Variants in RASSF3 observed in about 807,000 individuals in gnomAD.
RASSF3 encodes Ras association domain family member 3.
RASSF3 carries 19 observed loss-of-function variants against 19.9 expected under a neutral mutation model. The observed-to-expected ratio is 0.96, with a 90% CI of 0.67 to 1.40. The LOEUF is 1.40. Among genes scored for constraint, RASSF3 ranks in the 40% most tolerant of loss-of-function variants. The probability of loss-of-function intolerance (pLI) is 0.00; values close to 1 mark genes in which losing one functional copy is unlikely to be tolerated. For missense variants in RASSF3, 306 were observed against 289.8 expected (o/e 1.06, Z -0.41); for synonymous variants, 110 against 104.2 (o/e 1.06, Z -0.34).
intron 1 of RASSF3, among the ~76,000 whole-genome samples, chr12:64,634,193 T>C (rs1036885846): frequency 1.3e-5 from 2 of 152,104 alleles, no homozygotes; most frequent in African/African-American, 4.8e-5. Flanking sequence ...TTGGCTGTTG[T>C]TTCTGCTGTT....
chr12:64,621,396 A>T (rs1870757263), intron 1 of RASSF3, among the ~76,000 whole-genome samples: 1 of 152,168 alleles, frequency 6.6e-6, no homozygotes, highest in African/African-American at 2.4e-5. Context: ...AGCTTGGTAG[A>T]TGGTTCTGCT....
chr12:64,603,625 C>A (rs1201001909), intron 2 of RASSF3, among the ~76,000 whole-genome samples: 2 of 152,168 alleles, frequency 1.3e-5, no homozygotes, highest in Non-Finnish European at 2.9e-5. Context: ...AAATACTATC[C>A]TTATACGTAA....
intron 1 of RASSF3, among the ~76,000 whole-genome samples, chr12:64,527,079 G>A (rs1462255211): frequency 6.6e-6 from 1 of 152,180 alleles, no homozygotes; most frequent in Non-Finnish European, 1.5e-5. Context: ...GTGAATGGTG[G>A]TGCAATGAAC....
intron 2 of RASSF3, among the ~76,000 whole-genome samples, chr12:64,579,238 T>C (rs1203536906): frequency 6.6e-6 from 1 of 151,394 alleles, no homozygotes; most frequent in African/African-American, 2.4e-5. Flanking sequence ...TCTAATAGAG[T>C]GGGAATTGTC....
At chr12:64,546,198 A>C (rs1349455090), downstream of RASSF3, among the ~76,000 whole-genome samples, 1 of 152,044 alleles carries the variant, frequency 6.6e-6, no homozygotes, top group Non-Finnish European at 1.5e-5. Context: ...TTCATAAGGC[A>C]TCATAAGTAT....
chr12:64,694,916 G>A lies in RASSF3; in HGVS notation c.*4G>A, dbSNP rs182446152. On this transcript the variant is annotated 3_prime_UTR_variant, in exon 5 of 5. Coordinates refer to ENST00000542104, the MANE Select transcript of RASSF3 (RefSeq NM_178169.4). Reference sequence around the variant, plus strand: ...TGAGGTGTGGAAGCCTGATTAAAGCGGGGCTCCCTGCCCGTGAGGCCCGGT... The same window carrying A: ...TGAGGTGTGGAAGCCTGATTAAAGCAGGGCTCCCTGCCCGTGAGGCCCGGT... 5,929 of 1,613,460 alleles carry A rather than the reference G, an allele frequency of 3.7e-3. 21 individuals carry two copies. The highest frequency in any genetic ancestry group is 4.6e-3 in the Non-Finnish European group (5,387 of 1,179,862).
intron 1 of RASSF3, among the ~76,000 whole-genome samples, chr12:64,635,213 C>G (rs1422780385): frequency 6.6e-6 from 1 of 152,242 alleles, no homozygotes; most frequent in Middle Eastern, 3.4e-3. Flanking sequence ...TTCAGCCTCC[C>G]AAAATGCTGG....
At chr12:64,509,297 A>T (rs1327198299) in intron 1 of RASSF3, among the ~76,000 whole-genome samples, 1 of 152,052 alleles carries the variant, frequency 6.6e-6, no homozygotes, top group Non-Finnish European at 1.5e-5. Context: ...TAAAAATACA[A>T]AAATTAGCCG....
downstream of RASSF3, among the ~76,000 whole-genome samples, chr12:64,545,743 G>A (rs902726228): frequency 1.3e-5 from 2 of 152,122 alleles, no homozygotes; most frequent in African/African-American, 2.4e-5. Context: ...GCCTCGCAAT[G>A]TAGTGAGACC....
At position 64,694,863 on chromosome 12, in the gene RASSF3, A is replaced by G; in HGVS notation, c.668A>G (p.Tyr223Cys). ...LQNLKRRYTAYRQKLEEALRE... is the reference protein window; with the variant it reads ...LQNLKRRYTACRQKLEEALRE... ...AACCTGAAGAGGCGCTACACAGCCT[A>G]CAGGCAGAAGCTGGAAGAAGCCCTC... is the stretch of plus-strand genomic sequence containing the variant. The change falls in exon 5 of 5, where the codon TAC (tyrosine) becomes TGC (cysteine). Residue 223 changes from tyrosine (Y) to cysteine (C), a missense_variant. By Grantham distance (194) the Tyr-to-Cys change is radical. Coordinates refer to ENST00000542104, the MANE Select transcript of RASSF3 (RefSeq NM_178169.4). The G allele has an allele frequency of 6.2e-7, 1 of 1,614,262 alleles. No individual in the cohort carries two copies. Among genetic ancestry groups the G allele is most frequent in the Non-Finnish European group, 8.5e-7 (1 of 1,180,046 alleles).
Position 64,694,956 on chromosome 12 carries a change from C to A in RASSF3, c.*44C>A. 1 of 1,596,710 alleles carries A rather than the reference C, an allele frequency of 6.3e-7. No homozygotes were observed. The highest frequency in any genetic ancestry group is 8.5e-7 in the Non-Finnish European group (1 of 1,170,046). On this transcript the variant is annotated 3_prime_UTR_variant, in exon 5 of 5. Coordinates refer to ENST00000542104, the MANE Select transcript of RASSF3 (RefSeq NM_178169.4). ...TGAGGCCCGGTGCAGGACCGATGTA[C>A]AAAACAGCAGCAAGTGCCTCTCTTC...
chr12:64,525,482 C>A (rs1489752055), intron 1 of RASSF3, among the ~76,000 whole-genome samples: 1 of 152,150 alleles, frequency 6.6e-6, no homozygotes, highest in Non-Finnish European at 1.5e-5. Context: ...CCCCCCATCT[C>A]CTTTTAGCAG....
At chr12:64,526,979 G>A (rs1272711328) in intron 1 of RASSF3, among the ~76,000 whole-genome samples, 1 of 152,138 alleles carries the variant, frequency 6.6e-6, no homozygotes, top group Non-Finnish European at 1.5e-5. Flanking sequence ...TTTTTTAAAA[G>A]GCTGAATAGT....
intron 2 of RASSF3, chr12:64,599,345 T>TG (rs1411543845): frequency 1.3e-5 from 2 of 152,080 alleles, no homozygotes; most frequent in Admixed American, 6.6e-5. Context: ...AGCAGAAGCG[T>TG]GGGGGTAGGG....
In RASSF3 at chr12:64,695,883, A is replaced by G. The variant is rs1323628223; in HGVS notation, c.*971A>G. On this transcript the variant is annotated 3_prime_UTR_variant, in exon 5 of 5. Transcript: ENST00000542104. ...TAACTCTTGTTAAGTTACATAGTGT[A>G]TAGCTTTCCCCCCACAGGTGGTTTT... The G allele has an allele frequency of 1.3e-5, 2 of 152,232 alleles. No individual in the cohort carries two copies. The highest frequency in any genetic ancestry group is 2.9e-5 in the Non-Finnish European group (2 of 68,070). 9.4% of individuals were successfully genotyped at this position (152,232 alleles called of 1,614,324 possible).
At chr12:64,570,399 A>G (rs951192154) in intron 2 of RASSF3, among the ~76,000 whole-genome samples, 13 of 152,186 alleles carry the variant, frequency 8.5e-5, no homozygotes, top group African/African-American at 7.2e-5. Flanking sequence ...TCATCTGGGC[A>G]TCATAATAAT....
At chr12:64,567,218 A>T (rs1201256428) in intron 2 of RASSF3, among the ~76,000 whole-genome samples, 1 of 152,152 alleles carries the variant, frequency 6.6e-6, no homozygotes, top group Non-Finnish European at 1.5e-5. Flanking sequence ...ACATAAGAGG[A>T]TGATAGTTAC....
chr12:64,664,982 A>C (rs1037093976), intron 1 of RASSF3, among the ~76,000 whole-genome samples: 2 of 152,256 alleles, frequency 1.3e-5, no homozygotes, highest in African/African-American at 2.4e-5. Flanking sequence ...GTGCTTACTA[A>C]GTCATTTAAA....
intron 3 of RASSF3, among the ~76,000 whole-genome samples, chr12:64,689,872 C>T (rs1331179368): frequency 6.9e-6 from 1 of 145,646 alleles, no homozygotes. Flanking sequence ...ACTGCAAGCT[C>T]CACCTCCCGG....
Sources: allele counts gnomAD v4.1 joint callset (sites outside exome capture counted in the v4.1 genomes callset), GRCh38; gene constraint gnomAD v4.1.1; transcripts MANE v1.5; gene names NCBI Gene and HGNC (gene_info 2026-07-23, HGNC 2026-07-21).